The following ADGRL3 variants were observed in gnomAD, a reference collection of about 807,000 sequenced individuals.
ADGRL3 encodes adhesion G protein-coupled receptor L3.
In ADGRL3, 62 loss-of-function variants were observed where a neutral mutation model predicts 153.5. The observed-to-expected ratio is 0.40, with a 90% CI of 0.33 to 0.50. The LOEUF (loss-of-function observed/expected upper bound fraction) is 0.50. Among genes scored for constraint, ADGRL3 ranks in the 20% least tolerant of loss-of-function variants. ADGRL3 has a pLI of 0.47. For missense variants in ADGRL3, 1,641 were observed against 1,859.4 expected, an observed-to-expected ratio of 0.88 and a Z score of 2.16; for synonymous variants, 710 against 672.5, an observed-to-expected ratio of 1.06 and a Z score of -0.86.
chr4:61,294,818 A>G (rs1029391706), intron 1 of ADGRL3, among the ~76,000 whole-genome samples: 4 of 151,794 alleles, frequency 2.6e-5, no homozygotes, highest in Non-Finnish European at 5.9e-5. Context: ...ATTGTTTAAT[A>G]TTAGTATTTA....
intron 4 of ADGRL3, among the ~76,000 whole-genome samples, chr4:61,520,682 G>GTGTGTGTGTGTGTGTGTGTGTC (rs763505931): frequency 0.085 from 10,349 of 122,458 alleles, 606 homozygotes; most frequent in East Asian, 0.14. Context: ...GTGTGTGTGT[G>GTGTGTGTGTGTGTGTGTGTGTC]TGTCTGTCTG....
rs199923839 is a variant in ADGRL3, at chr4:61,763,126, AT to A, written c.1399+29580del. On this transcript the variant is annotated intron_variant, in intron 8 of 26. Transcript: ENST00000683033. ...CTTTTCTTGCACACTTTGCATAAAG[AT>A]TTTTTTTCTTTACTCTTTTTATTCA... Among the ~76,000 whole-genome samples the A allele has an allele frequency of 9.4e-3, 1,410 of 149,784 alleles. 29 individuals carry two copies. Among genetic ancestry groups the A allele is most frequent in the African/African-American group, 0.033 (1,325 of 40,528 alleles).
intron 8 of ADGRL3, among the ~76,000 whole-genome samples, chr4:61,744,376 G>A (rs561072073): frequency 8.5e-5 from 13 of 152,276 alleles, no homozygotes; most frequent in South Asian, 6.2e-4. Context: ...CACCCAGCAC[G>A]CAGCTGGAGA....
At chr4:61,795,968 G>A (rs959984545) in intron 8 of ADGRL3, among the ~76,000 whole-genome samples, 1 of 151,970 alleles carries the variant, frequency 6.6e-6, no homozygotes, top group Non-Finnish European at 1.5e-5. Context: ...TCAGCCTCCC[G>A]AGTAGCTGGG....
At chr4:61,928,015 T>A (rs891645195) in intron 13 of ADGRL3, among the ~76,000 whole-genome samples, 1 of 151,084 alleles carries the variant, frequency 6.6e-6, no homozygotes, top group African/African-American at 2.4e-5. Context: ...AAGAAAAATG[T>A]TTAAATGTAA....
At chr4:61,569,712 T>A (rs563881836) in intron 4 of ADGRL3, among the ~76,000 whole-genome samples, 1 of 152,198 alleles carries the variant, frequency 6.6e-6, no homozygotes, top group African/African-American at 2.4e-5. Context: ...TTATTTGGCA[T>A]ATTGTTTTCA....
chr4:61,828,281 C>G (rs887101813), intron 9 of ADGRL3, among the ~76,000 whole-genome samples: 3 of 152,024 alleles, frequency 2.0e-5, no homozygotes, highest in Non-Finnish European at 4.4e-5. Context: ...ATAAAACCAT[C>G]CTAAGACACA....
At chr4:61,253,686 CAGTT>C (rs2091679889) in intron 1 of ADGRL3, among the ~76,000 whole-genome samples, 1 of 111,886 alleles carries the variant, frequency 8.9e-6, no homozygotes, top group Non-Finnish European at 1.8e-5. Context: ...TTTGTATGTT[CAGTT>C]CCACACACAC....
chr4:61,235,184 C>G (rs1299243545), intron 1 of ADGRL3, among the ~76,000 whole-genome samples: 1 of 152,122 alleles, frequency 6.6e-6, no homozygotes, highest in South Asian at 2.1e-4. Context: ...CCTCCAGCCT[C>G]CCAATCCTCA....
intron 1 of ADGRL3, among the ~76,000 whole-genome samples, chr4:61,297,467 T>C (rs1411101226): frequency 1.3e-5 from 2 of 152,192 alleles, no homozygotes; most frequent in African/African-American, 4.8e-5. Flanking sequence ...AAAATAAATT[T>C]TTAATTTATT....
At chr4:61,513,792 A>C (rs1376394627) in intron 3 of ADGRL3, among the ~76,000 whole-genome samples, 3 of 152,188 alleles carry the variant, frequency 2.0e-5, no homozygotes, top group Admixed American at 2.0e-4. Flanking sequence ...CAGTTTTTAA[A>C]AGATAAGCAT....
chr4:61,580,650 C>G (rs1249848564), intron 4 of ADGRL3, among the ~76,000 whole-genome samples: 1 of 151,984 alleles, frequency 6.6e-6, no homozygotes, highest in Non-Finnish European at 1.5e-5. Context: ...CATGGGGTTG[C>G]AGTTGCCTGA....
At chr4:61,368,026 TAAATGTCTTCTTTTGAG>T (rs1164395176) in intron 1 of ADGRL3, among the ~76,000 whole-genome samples, 1 of 151,648 alleles carries the variant, frequency 6.6e-6, no homozygotes, top group Non-Finnish European at 1.5e-5. Flanking sequence ...TTTGGCTGCA[TAAATGTCTTCTTTTGAG>T]AAGTGTCTGT....
At chr4:61,456,991 A>G (rs920002996) in intron 2 of ADGRL3, among the ~76,000 whole-genome samples, 2 of 151,960 alleles carry the variant, frequency 1.3e-5, no homozygotes, top group Non-Finnish European at 2.9e-5. Context: ...ATGTATACTT[A>G]TGATAGTTTT....
At chr4:61,638,489 G>C (rs913374394) in intron 5 of ADGRL3, among the ~76,000 whole-genome samples, 6 of 151,954 alleles carry the variant, frequency 3.9e-5, no homozygotes, top group Non-Finnish European at 8.8e-5. Context: ...CTTTGTTTTT[G>C]GTATGTAATT....
intron 4 of ADGRL3, among the ~76,000 whole-genome samples, chr4:61,579,889 A>G (rs1186167342): frequency 6.6e-6 from 1 of 152,122 alleles, no homozygotes; most frequent in Non-Finnish European, 1.5e-5. Context: ...ATGTTCTTTT[A>G]AAGAAAGTAG....
At chr4:61,836,491 A>G (rs1007642170) in intron 9 of ADGRL3, among the ~76,000 whole-genome samples, 1 of 152,048 alleles carries the variant, frequency 6.6e-6, no homozygotes, top group Non-Finnish European at 1.5e-5. Flanking sequence ...ATGAAACTTT[A>G]TAGTCCCTTT....
intron 17 of ADGRL3, among the ~76,000 whole-genome samples, chr4:61,974,522 T>TA (rs1356981455): frequency 1.1e-4 from 16 of 152,166 alleles, no homozygotes; most frequent in Non-Finnish European, 2.1e-4. Flanking sequence ...CATTCAGATT[T>TA]AAAAAAGTAA....
chr4:61,632,800 C>A (rs2093244102), intron 5 of ADGRL3, among the ~76,000 whole-genome samples: 1 of 151,992 alleles, frequency 6.6e-6, no homozygotes, highest in Non-Finnish European at 1.5e-5. Flanking sequence ...TCTGGGTTTC[C>A]AGAATGTTTT....
Sources: allele counts gnomAD v4.1 joint callset (sites outside exome capture counted in the v4.1 genomes callset), GRCh38; gene constraint gnomAD v4.1.1; transcripts MANE v1.5; gene names NCBI Gene and HGNC (gene_info 2026-07-23, HGNC 2026-07-21).